Variants in MSRA observed in about 807,000 individuals in gnomAD.
MSRA encodes the protein mitochondrial peptide methionine sulfoxide reductase.
MSRA carries 54 observed loss-of-function variants against 31.3 expected under a neutral mutation model. The ratio of observed to expected loss-of-function variants is 1.73; its 90% CI spans 1.39 to 2.17. The LOEUF (loss-of-function observed/expected upper bound fraction) is 2.17, where lower values mean the gene tolerates loss of function less well. Among genes scored for constraint, MSRA ranks in the 30% most tolerant of loss-of-function variants. The pLI, the probability that MSRA is intolerant of heterozygous loss-of-function variation, is 0.00. For missense variants in MSRA, 507 were observed against 300.9 expected, an observed-to-expected ratio of 1.69 and a Z score of -5.07; for synonymous variants, 169 against 116.5, an observed-to-expected ratio of 1.45 and a Z score of -2.90.
At chr8:10,101,468 C>A (rs915161276) in intron 1 of MSRA, among the ~76,000 whole-genome samples, 1 of 152,108 alleles carries the variant, frequency 6.6e-6, no homozygotes, top group Non-Finnish European at 1.5e-5. Context: ...CGTCATCAAG[C>A]CACAGAAGTC....
chr8:10,330,462 C>A (rs1802630815), intron 5 of MSRA, among the ~76,000 whole-genome samples: 1 of 152,142 alleles, frequency 6.6e-6, no homozygotes, highest in South Asian at 2.1e-4. Context: ...CTGAAAATGG[C>A]TTTTTCTCCT....
At chr8:10,126,944 GCTCAC>G (rs1563126468) in intron 1 of MSRA, among the ~76,000 whole-genome samples, 1 of 152,180 alleles carries the variant, frequency 6.6e-6, no homozygotes, top group Admixed American at 6.5e-5. Context: ...AGTAGTGCTC[GCTCAC>G]CTGCCACTCA....
chr8:10,283,625 T>C (rs573474438), intron 3 of MSRA, among the ~76,000 whole-genome samples: 1 of 151,452 alleles, frequency 6.6e-6, no homozygotes, highest in East Asian at 2.0e-4. Context: ...CAAAAGTCCA[T>C]TTTGTCATTC....
At chr8:10,348,650 G>C (rs1282131788) in intron 5 of MSRA, among the ~76,000 whole-genome samples, 4 of 152,132 alleles carry the variant, frequency 2.6e-5, no homozygotes, top group Non-Finnish European at 4.4e-5. Flanking sequence ...TTACAGGTGT[G>C]AGCCACCATG....
intron 5 of MSRA, among the ~76,000 whole-genome samples, chr8:10,334,877 G>C (rs1271034069): frequency 6.6e-6 from 1 of 152,194 alleles, no homozygotes; most frequent in Admixed American, 6.5e-5. Context: ...GGCCGCTCCC[G>C]TCTGCCCCGC....
intron 5 of MSRA, among the ~76,000 whole-genome samples, chr8:10,375,669 C>T (rs886757632): frequency 2.0e-5 from 3 of 152,124 alleles, no homozygotes; most frequent in Admixed American, 6.5e-5. Context: ...ATAATGAGAC[C>T]GCATCACCAG....
chr8:10,086,497 A>G (rs1259260817), intron 1 of MSRA, among the ~76,000 whole-genome samples: 2 of 152,046 alleles, frequency 1.3e-5, no homozygotes, highest in Non-Finnish European at 2.9e-5. Flanking sequence ...GTTGCTTGAA[A>G]TTTTTCTACC....
chr8:10,353,798 G>C, intron 5 of MSRA: 1 of 319,530 alleles, frequency 3.1e-6, no homozygotes, highest in East Asian at 9.3e-5. Flanking sequence ...ACACAAGACA[G>C]TAATAAACAT....
chr8:10,293,034 G>T (rs1455524689), intron 3 of MSRA, among the ~76,000 whole-genome samples: 1 of 152,174 alleles, frequency 6.6e-6, no homozygotes, highest in Non-Finnish European at 1.5e-5. Context: ...GCTAGGCTTG[G>T]GGTTGTCTCC....
intron 3 of MSRA, among the ~76,000 whole-genome samples, chr8:10,287,632 G>C (rs1381445751): frequency 6.6e-6 from 1 of 152,116 alleles, no homozygotes; most frequent in East Asian, 1.9e-4. Flanking sequence ...TTAGTGTCTT[G>C]GTCTGGTGAA....
intron 4 of MSRA, among the ~76,000 whole-genome samples, chr8:10,311,612 A>G (rs1801438325): frequency 6.6e-6 from 1 of 152,148 alleles, no homozygotes; most frequent in Admixed American, 6.5e-5. Context: ...GTCTTATGTT[A>G]GAAAATTTAA....
intron 1 of MSRA, among the ~76,000 whole-genome samples, chr8:10,073,333 C>T (rs1475165278): frequency 6.6e-6 from 1 of 152,092 alleles, no homozygotes; most frequent in Non-Finnish European, 1.5e-5. Flanking sequence ...GGAAAAGGGT[C>T]TTCTACCACC....
intron 4 of MSRA, among the ~76,000 whole-genome samples, chr8:10,316,939 C>T (rs1801761726): frequency 1.3e-5 from 2 of 152,198 alleles, no homozygotes; most frequent in Admixed American, 6.5e-5. Context: ...GGTGAGCTCT[C>T]CCAGCAATGC....
intron 5 of MSRA, among the ~76,000 whole-genome samples, chr8:10,426,038 C>A (rs1008367434): frequency 6.6e-6 from 1 of 152,224 alleles, no homozygotes; most frequent in African/African-American, 2.4e-5. Flanking sequence ...ATTTCCACAG[C>A]CACCTGGCAT....
intron 5 of MSRA, among the ~76,000 whole-genome samples, chr8:10,320,826 C>T (rs780792215): frequency 1.3e-5 from 2 of 152,182 alleles, no homozygotes; most frequent in Non-Finnish European, 2.9e-5. Flanking sequence ...TTTATATTCA[C>T]ATCAGCCTAG....
At chr8:10,277,263 T>C (rs1348328883) in intron 3 of MSRA, among the ~76,000 whole-genome samples, 1 of 152,212 alleles carries the variant, frequency 6.6e-6, no homozygotes, top group African/African-American at 2.4e-5. Flanking sequence ...AAAGTACATG[T>C]CCAGGTATTT....
At chr8:10,156,307 C>T (rs368708567) in intron 1 of MSRA, among the ~76,000 whole-genome samples, 23 of 152,204 alleles carry the variant, frequency 1.5e-4, no homozygotes, top group African/African-American at 4.8e-4. Flanking sequence ...TCACCCTTTC[C>T]TTTTTTAAAG....
chr8:10,393,402 A>C (rs921163612), intron 5 of MSRA, among the ~76,000 whole-genome samples: 2 of 152,142 alleles, frequency 1.3e-5, no homozygotes, highest in African/African-American at 4.8e-5. Context: ...GGATTTTTTT[A>C]CTTTTAGGGA....
intron 1 of MSRA, among the ~76,000 whole-genome samples, chr8:10,070,707 C>G (rs1461677678): frequency 6.6e-6 from 1 of 152,212 alleles, no homozygotes; most frequent in East Asian, 1.9e-4. Flanking sequence ...TTCTCCATTG[C>G]TGTTATTTCA....
Sources: allele counts gnomAD v4.1 joint callset (sites outside exome capture counted in the v4.1 genomes callset), GRCh38; gene constraint gnomAD v4.1.1; transcripts MANE v1.5; gene names NCBI Gene and HGNC (gene_info 2026-07-23, HGNC 2026-07-21).